The following KCNAB1 variants were observed in gnomAD, a reference collection of about 807,000 sequenced individuals.
KCNAB1 encodes potassium voltage-gated channel subfamily A regulatory beta subunit 1.
KCNAB1 carries 35 observed loss-of-function variants against 64.6 expected under a neutral mutation model. That is an observed-to-expected ratio of 0.54 (90% CI 0.41 to 0.72). The LOEUF (loss-of-function observed/expected upper bound fraction) is 0.72, where lower values mean the gene tolerates loss of function less well. Among genes scored for constraint, KCNAB1 ranks in the 30% least tolerant of loss-of-function variants. The pLI is 0.00. For synonymous variants in KCNAB1, 177 were observed against 183.8 expected, an observed-to-expected ratio of 0.96 and a Z score of 0.30; for missense variants, 401 against 512.9, an observed-to-expected ratio of 0.78 and a Z score of 2.11.
At chr3:156,380,710 A>G (rs1275872307) in intron 1 of KCNAB1, among the ~76,000 whole-genome samples, 1 of 152,236 alleles carries the variant, frequency 6.6e-6, no homozygotes, top group Non-Finnish European at 1.5e-5. Context: ...AACTAGGGAG[A>G]AAGGTAAAAT....
chr3:156,411,152 G>A (rs1714631790), intron 1 of KCNAB1, among the ~76,000 whole-genome samples: 1 of 151,870 alleles, frequency 6.6e-6, no homozygotes, highest in Non-Finnish European at 1.5e-5. Context: ...AGTATATAGT[G>A]GTATCTGATT....
intron 1 of KCNAB1, among the ~76,000 whole-genome samples, chr3:156,406,054 A>G (rs544361611): frequency 2.0e-5 from 3 of 152,250 alleles, no homozygotes; most frequent in Non-Finnish European, 4.4e-5. Flanking sequence ...TACACCATAA[A>G]TGTTGTAAAA....
intron 1 of KCNAB1, among the ~76,000 whole-genome samples, chr3:156,180,621 A>T (rs1003357192): frequency 1.7e-4 from 26 of 152,306 alleles, no homozygotes; most frequent in African/African-American, 6.3e-4. Flanking sequence ...AATTTTTTTA[A>T]TACAATCCAA....
chr3:156,266,429 T>C (rs1336584985), intron 1 of KCNAB1, among the ~76,000 whole-genome samples: 1 of 152,178 alleles, frequency 6.6e-6, no homozygotes, highest in African/African-American at 2.4e-5. Flanking sequence ...TTGGTTTAAA[T>C]CCCTTTTTTC....
At chr3:156,240,794 C>T (rs922293814) in intron 1 of KCNAB1, among the ~76,000 whole-genome samples, 4 of 152,082 alleles carry the variant, frequency 2.6e-5, no homozygotes, top group African/African-American at 9.7e-5. Flanking sequence ...GGCCCTGAGA[C>T]AAGGATTCAA....
intron 1 of KCNAB1, among the ~76,000 whole-genome samples, chr3:156,283,746 A>G (rs1719895471): frequency 1.3e-5 from 2 of 151,776 alleles, no homozygotes; most frequent in Non-Finnish European, 2.9e-5. Flanking sequence ...CCTTTCTTCC[A>G]GTTGATCGCA....
intron 1 of KCNAB1, among the ~76,000 whole-genome samples, chr3:156,303,084 A>T (rs565901258): frequency 6.6e-6 from 1 of 152,184 alleles, no homozygotes; most frequent in African/African-American, 2.4e-5. Flanking sequence ...GTTTATTATG[A>T]CACACATTTT....
chr3:156,423,886 G>GTA (rs1187913850), intron 2 of KCNAB1, among the ~76,000 whole-genome samples: 2 of 152,306 alleles, frequency 1.3e-5, no homozygotes, highest in South Asian at 4.1e-4. Context: ...GATCAATAAA[G>GTA]TATATATCCC....
intron 1 of KCNAB1, among the ~76,000 whole-genome samples, chr3:156,299,846 C>A (rs1721039752): frequency 6.6e-6 from 1 of 152,118 alleles, no homozygotes; most frequent in South Asian, 2.1e-4. Context: ...CTTGTAAAGG[C>A]CTCTAAAGAA....
At chr3:156,313,741 T>A (rs1560190343) in intron 1 of KCNAB1, among the ~76,000 whole-genome samples, 2 of 152,230 alleles carry the variant, frequency 1.3e-5, no homozygotes, top group Non-Finnish European at 2.9e-5. Context: ...AGTAAGTTGG[T>A]GTTGTTTTAA....
At chr3:156,230,428 G>A (rs1443558742) in intron 1 of KCNAB1, among the ~76,000 whole-genome samples, 1 of 152,192 alleles carries the variant, frequency 6.6e-6, no homozygotes, top group African/African-American at 2.4e-5. Context: ...GTCTGTGTAA[G>A]TGCAATCTAT....
chr3:156,307,118 AT>A (rs1721543310), intron 1 of KCNAB1, among the ~76,000 whole-genome samples: 1 of 152,204 alleles, frequency 6.6e-6, no homozygotes. Flanking sequence ...GTGACCTAAG[AT>A]TCTAACTTGC....
chr3:156,526,716 C>T (rs897378297), intron 12 of KCNAB1, among the ~76,000 whole-genome samples: 24 of 152,232 alleles, frequency 1.6e-4, no homozygotes, highest in Non-Finnish European at 1.0e-4. Context: ...TAACAATCCG[C>T]GGAGGTCTAT....
At chr3:156,475,825 T>C (rs1180675552) in intron 8 of KCNAB1, among the ~76,000 whole-genome samples, 1 of 152,192 alleles carries the variant, frequency 6.6e-6, no homozygotes, top group Non-Finnish European at 1.5e-5. Context: ...TTTTCTGGGT[T>C]GTATTTCTGA....
chr3:156,395,933 A>G (rs1490835680), intron 1 of KCNAB1, among the ~76,000 whole-genome samples: 1 of 152,244 alleles, frequency 6.6e-6, no homozygotes, highest in Non-Finnish European at 1.5e-5. Flanking sequence ...ATACCTACTC[A>G]GTCCTGCCCA....
chr3:156,310,604 C>G (rs371626902), intron 1 of KCNAB1, among the ~76,000 whole-genome samples: 21 of 152,238 alleles, frequency 1.4e-4, no homozygotes, highest in East Asian at 5.8e-4. Flanking sequence ...GAGTTCGAGA[C>G]CATCCTGGCT....
chr3:156,373,730 G>T (rs1393456736), intron 1 of KCNAB1, among the ~76,000 whole-genome samples: 1 of 152,194 alleles, frequency 6.6e-6, no homozygotes, highest in Non-Finnish European at 1.5e-5. Flanking sequence ...TGGGTAAGAA[G>T]AATACCAAAA....
In KCNAB1 at chr3:156,495,068, T is replaced by C. The variant is rs892789891; in HGVS notation, c.659-19296T>C. Among the ~76,000 whole-genome samples, 7 of 152,064 alleles carry C rather than the reference T, an allele frequency of 4.6e-5. No individual in the cohort carries two copies. In the East Asian group the frequency reaches 1.4e-3, roughly 29 times the overall value. ...AGGCCCCAGTGTGTGTGCCCTGCAG[T>C]GTGTCCATGTGTTCTCATCATTCGG... On this transcript the variant is annotated intron_variant, in intron 8 of 13. Coordinates refer to ENST00000490337, the MANE Select transcript of KCNAB1 (RefSeq NM_172160.3).
rs374292008 is a variant in KCNAB1 at position 156,180,817 on chromosome 3, T to C, written c.275+59931T>C. ...GTCTCAGGGAGGGAGAACAGAAATG[T>C]CACATGAAGAAGGTGGAAACAGAGA... On this transcript the variant is annotated intron_variant, in intron 1 of 13. Coordinates refer to ENST00000490337, the MANE Select transcript of KCNAB1 (RefSeq NM_172160.3). Among the ~76,000 whole-genome samples the C allele has an allele frequency of 3.9e-3, 600 of 152,252 alleles. 2 individuals are homozygous for C. The highest frequency in any genetic ancestry group is 7.5e-3 in the Non-Finnish European group (511 of 68,008).
Sources: allele counts gnomAD v4.1 joint callset (sites outside exome capture counted in the v4.1 genomes callset), GRCh38; gene constraint gnomAD v4.1.1; transcripts MANE v1.5; gene names NCBI Gene and HGNC (gene_info 2026-07-23, HGNC 2026-07-21).